Variants in ACP6 observed in about 807,000 individuals in gnomAD.
ACP6 encodes the protein lysophosphatidic acid phosphatase type 6.
ACP6 carries 48 observed loss-of-function variants against 48.1 expected under a neutral mutation model. The ratio of observed to expected loss-of-function variants is 1.00; its 90% CI spans 0.79 to 1.27. The LOEUF is 1.27. Among genes scored for constraint, ACP6 ranks in the 50% most tolerant of loss-of-function variants. The pLI is 0.00. For synonymous variants in ACP6, 172 were observed against 204.2 expected, an observed-to-expected ratio of 0.84 and a Z score of 1.34; for missense variants, 485 against 529.1, an observed-to-expected ratio of 0.92 and a Z score of 0.82.
intron 1 of ACP6, among the ~76,000 whole-genome samples, chr1:147,669,625 G>A (rs587658045): frequency 6.6e-6 from 1 of 152,350 alleles, no homozygotes; most frequent in East Asian, 1.9e-4. Flanking sequence ...GGGCAAAACT[G>A]GAAGTTCCGG....
intron 1 of ACP6, among the ~76,000 whole-genome samples, chr1:147,666,692 G>A (rs1453673241): frequency 1.3e-5 from 2 of 152,014 alleles, no homozygotes; most frequent in Admixed American, 6.6e-5. Flanking sequence ...TGGATACCCC[G>A]GACCAATTAA....
At position 147,653,723 on chromosome 1, in the gene ACP6, G is replaced by C. The variant is rs1660081109; in HGVS notation, c.780+471C>G. 2.0e-5 allele frequency among the ~76,000 whole-genome samples: 3 copies of C among 152,112 alleles called. No individual in the cohort carries two copies. The South Asian group carries it at 6.2e-4, about 32-fold the overall frequency. Reference sequence around the variant, plus strand: ...CTTTCCCATTGTTAGTCTTCTTTATGTATTTATTACAGAAAAAAAGATCCT... The same window carrying C: ...CTTTCCCATTGTTAGTCTTCTTTATCTATTTATTACAGAAAAAAAGATCCT... On this transcript the variant is annotated intron_variant, in intron 6 of 9. Transcript: ENST00000583509.
chr1:147,638,996 A>G (rs782036033), downstream of ACP6, among the ~76,000 whole-genome samples: 5 of 152,154 alleles, frequency 3.3e-5, no homozygotes, highest in Non-Finnish European at 7.3e-5. Context: ...AGCTGAGACT[A>G]CAGGCACTTG....
At chr1:147,629,756 A>T (rs1553207120) in exon 6 of ACP6, 2 of 152,250 alleles carry the variant, frequency 1.3e-5, no homozygotes, top group Non-Finnish European at 2.9e-5. Context: ...GAGCTAAATC[A>T]TAAAAATAAT....
At chr1:147,637,030 C>G (rs1352036077) in intron 5 of ACP6, among the ~76,000 whole-genome samples, 1 of 152,210 alleles carries the variant, frequency 6.6e-6, no homozygotes, top group Non-Finnish European at 1.5e-5. Flanking sequence ...GTGGGGATAA[C>G]AGCAACACTT....
In ACP6 at chr1:147,642,951, A is replaced by C. The variant is rs1659499966; in HGVS notation, c.*4472T>G. 2 of 152,316 alleles carry C rather than the reference A, an allele frequency of 1.3e-5. No individual in the cohort carries two copies. The highest frequency in any genetic ancestry group is 4.8e-5 in the African/African-American group (2 of 41,552). 9.4% of individuals were successfully genotyped at this position (152,316 alleles called of 1,614,324 possible). A position where few individuals can be genotyped will look rare whatever the true frequency, so the allele number is the denominator to read the frequency against. On this transcript the variant is annotated 3_prime_UTR_variant, in exon 10 of 10. Transcript: ENST00000583509. ...TTTCCTCACAGTGCTAGAGGCTAGAAGTCCAAGATCGTGGTGTCAGCAGCA... is the reference window on the plus strand; with the variant it reads ...TTTCCTCACAGTGCTAGAGGCTAGACGTCCAAGATCGTGGTGTCAGCAGCA...
At chr1:147,648,215 C>G (rs782358266) in intron 9 of ACP6, 31 bp downstream of exon 9, 1 of 1,611,192 alleles carries the variant, frequency 6.2e-7, no homozygotes, top group Non-Finnish European at 8.5e-7. Context: ...GGGTGCCTCA[C>G]CACCACCCAA....
chr1:147,667,260 CA>C (rs1487180294), intron 1 of ACP6, among the ~76,000 whole-genome samples: 1 of 152,130 alleles, frequency 6.6e-6, no homozygotes. Context: ...CTCTATCACC[CA>C]GGGTAGAGTG....
At chr1:147,648,441 T>C (rs781940205) in intron 8 of ACP6, 30 bp from the exon 9 acceptor site, 2 of 1,612,438 alleles carry the variant, frequency 1.2e-6, no homozygotes, top group Admixed American at 3.3e-5. Flanking sequence ...TCCACAATTC[T>C]CTGCCTCAGG....
Position 147,669,759 on chromosome 1 carries a change from T to G in ACP6, c.219+71A>C, listed in dbSNP as rs1482265423. Reference sequence around the variant, plus strand: ...GCGCGAGTAAAGCTCTGAAGATGTGTGTCAGGGCGAGACTCCTGGCCTGGC... The same window carrying G: ...GCGCGAGTAAAGCTCTGAAGATGTGGGTCAGGGCGAGACTCCTGGCCTGGC... On this transcript the variant is annotated intron_variant, in intron 1 of 9. Transcript: ENST00000583509. 5 of 1,430,374 alleles carry G rather than the reference T, an allele frequency of 3.5e-6. No homozygotes were observed. In the Admixed American group the frequency reaches 1.1e-4, roughly 31 times the overall value. The allele number at this position is 1,430,374 out of a possible 1,614,324, so 88.6% of individuals were successfully genotyped here.
downstream of ACP6, among the ~76,000 whole-genome samples, chr1:147,640,490 C>T (rs368635983): frequency 5.3e-5 from 8 of 152,336 alleles, no homozygotes; most frequent in East Asian, 1.2e-3. Flanking sequence ...TTGTATAACA[C>T]TTTTCATATT....
intron 5 of ACP6, among the ~76,000 whole-genome samples, chr1:147,631,473 A>ACTCTAG (rs1400099250): frequency 6.6e-6 from 1 of 151,966 alleles, no homozygotes; most frequent in African/African-American, 2.4e-5. Context: ...CAGTATTTTC[A>ACTCTAG]CTCTAGCTCT....
chr1:147,664,385 T>C (rs1372060858), intron 1 of ACP6, among the ~76,000 whole-genome samples: 1 of 152,188 alleles, frequency 6.6e-6, no homozygotes, highest in East Asian at 1.9e-4. Context: ...CCTTTCAGTA[T>C]CATGTTTCTT....
Position 147,654,251 on chromosome 1 carries a change from A to G in ACP6, c.723T>C (p.Ile241=), listed in dbSNP as rs587667357. The change falls in exon 6 of 10, where the codon ATT becomes ATC. Residue 241 remains isoleucine (I), a synonymous_variant. Coordinates refer to ENST00000583509, the MANE Select transcript of ACP6 (RefSeq NM_016361.5). ...AGAAGTCCACTTTATCACTACTGTC[A>G]ATGCCCATCCTGTCCTTCACCTTTT... The part of the protein sequence containing the change: ...DLKKVKDRMG[I]DSSDKVDFFI... The G allele has an allele frequency of 1.9e-6, 3 of 1,614,192 alleles. No individual in the cohort carries two copies. In the South Asian group the frequency reaches 3.3e-5, roughly 18 times the overall value.
chr1:147,652,644 T>G (rs1659996411), intron 6 of ACP6, 95 bp from the exon 7 acceptor site: 2 of 1,606,034 alleles, frequency 1.2e-6, no homozygotes, highest in Non-Finnish European at 1.7e-6. Context: ...GAGCCCATCT[T>G]CTCCTGGGGA....
chr1:147,640,134 G>C (rs1172321086), downstream of ACP6, among the ~76,000 whole-genome samples: 1 of 151,986 alleles, frequency 6.6e-6, no homozygotes, highest in Non-Finnish European at 1.5e-5. Flanking sequence ...TGGTTATTTT[G>C]CTTACATCCC....
chr1:147,655,310 C>T lies in ACP6; in HGVS notation c.560-62G>A, dbSNP rs893556989. 5 of 1,210,036 alleles carry T rather than the reference C, an allele frequency of 4.1e-6. No homozygotes were observed. The Admixed American group carries it at 7.9e-5, about 19-fold the overall frequency. The allele number at this position is 1,210,036 out of a possible 1,614,324, so 75.0% of individuals were successfully genotyped here. ...TTCAGCTTGTTCTTCCCAGCATCTC[C>T]ACCCCCTTCTCTTTGTCTACAGAGA... On this transcript the variant is annotated intron_variant, in intron 4 of 9. Coordinates refer to ENST00000583509, the MANE Select transcript of ACP6 (RefSeq NM_016361.5).
At position 147,659,409 on chromosome 1, in the gene ACP6, G is replaced by T. The variant is rs1266035387; in HGVS notation, c.466C>A (p.Pro156Thr). 2 of 1,614,018 alleles carry T rather than the reference G, an allele frequency of 1.2e-6. No individual in the cohort carries two copies. The highest frequency in any genetic ancestry group is 1.3e-5 in the African/African-American group (1 of 74,922). Residue 156 changes from proline to threonine, a missense_variant, in exon 3 of 10, where the codon CCA becomes ACA. By Grantham distance (38) the Pro-to-Thr change is conservative (BLOSUM62 -1). Transcript: ENST00000583509. The part of the protein sequence containing the change: ...DIPFLSPTFN[P>T]QEVFIRSTNI... The stretch of plus-strand genomic sequence containing the variant: ...CAAGTGACTCACAAGACCTCCTGTG[G>T]GTTGAAGGTTGGTGAAAGAAAGGGA...
At position 147,648,131 on chromosome 1, in the gene ACP6, CTG is replaced by C. The variant is rs1237935539; in HGVS notation, c.1143+113_1143+114del. ...TGCCCTATAGGATTCAGAGAGCTGA[CTG>C]TGCCAAGAGAGACTCCACTGGGCCT... is the stretch of plus-strand genomic sequence containing the variant. On this transcript the variant is annotated intron_variant, in intron 9 of 9. Coordinates refer to ENST00000583509, the MANE Select transcript of ACP6 (RefSeq NM_016361.5). 16 of 1,240,702 alleles carry C rather than the reference CTG, an allele frequency of 1.3e-5. No individual in the cohort carries two copies. The African/African-American group carries it at 2.1e-4, about 16-fold the overall frequency. 76.9% of individuals were successfully genotyped at this position (1,240,702 alleles called of 1,614,324 possible). A position where few individuals can be genotyped will look rare whatever the true frequency, so the allele number is the denominator to read the frequency against.
Sources: allele counts gnomAD v4.1 joint callset (sites outside exome capture counted in the v4.1 genomes callset), GRCh38; gene constraint gnomAD v4.1.1; transcripts MANE v1.5; gene names NCBI Gene and HGNC (gene_info 2026-07-23, HGNC 2026-07-21).